Variants in PREP observed in about 807,000 individuals in gnomAD.
The protein encoded by PREP is prolyl endopeptidase.
Under a neutral mutation model 87.6 loss-of-function variants are expected in PREP, and 29 were observed. The ratio of observed to expected loss-of-function variants is 0.33; its 90% CI spans 0.25 to 0.45. PREP has a LOEUF of 0.45. PREP is among the 20% of genes least tolerant of loss of function. The pLI, the probability that PREP is intolerant of heterozygous loss-of-function variation, is 1.00. For synonymous variants in PREP, 337 were observed against 328.6 expected (o/e 1.03, Z -0.28); for missense variants, 695 against 886.5 (o/e 0.78, Z 2.74).
chr6:105,393,464 T>C (rs945386926), intron 2 of PREP, among the ~76,000 whole-genome samples: 2 of 152,302 alleles, frequency 1.3e-5, no homozygotes, highest in Middle Eastern at 3.4e-3. Flanking sequence ...ATTGCTATTT[T>C]ATAGCAAATG....
At chr6:105,315,941 G>A (rs1262900811) in intron 10 of PREP, among the ~76,000 whole-genome samples, 1 of 152,238 alleles carries the variant, frequency 6.6e-6, no homozygotes, top group African/African-American at 2.4e-5. Context: ...CTTGGCTTAA[G>A]GGAAGGTTGC....
chr6:105,374,127 G>T (rs575275613), intron 4 of PREP, among the ~76,000 whole-genome samples: 1 of 152,250 alleles, frequency 6.6e-6, no homozygotes, highest in African/African-American at 2.4e-5. Context: ...ACAAGCCTAG[G>T]TAAATAAAGC....
Position 105,378,570 on chromosome 6 carries a change from A to C in PREP, c.121-1051T>G, listed in dbSNP as rs988725355. Reference sequence around the variant, plus strand: ...GGCCATCAGGAAATACTGGTAGTGAAGGCAGGAAAAGGGGCTTTTACAAAA... The same window carrying C: ...GGCCATCAGGAAATACTGGTAGTGACGGCAGGAAAAGGGGCTTTTACAAAA... On this transcript the variant is annotated intron_variant, in intron 2 of 14. Coordinates refer to ENST00000652536, the MANE Select transcript of PREP (RefSeq NM_002726.5). Among the ~76,000 whole-genome samples, 3 of 152,348 alleles carry C rather than the reference A, an allele frequency of 2.0e-5. No individual in the cohort carries two copies. The East Asian group carries it at 5.8e-4, about 29-fold the overall frequency.
At chr6:105,321,152 A>G (rs531304437) in intron 10 of PREP, among the ~76,000 whole-genome samples, 8 of 152,370 alleles carry the variant, frequency 5.3e-5, no homozygotes, top group African/African-American at 1.9e-4. Flanking sequence ...ATCAGTAGAT[A>G]CAAATCTTCT....
chr6:105,350,059 AAAC>A (rs1771906934), intron 7 of PREP, among the ~76,000 whole-genome samples: 1 of 152,172 alleles, frequency 6.6e-6, no homozygotes, highest in Admixed American at 6.5e-5. Context: ...GCTTTGCAGA[AAAC>A]AAGTTAATTT....
At chr6:105,390,116 C>T (rs1050539240) in intron 2 of PREP, among the ~76,000 whole-genome samples, 8 of 152,074 alleles carry the variant, frequency 5.3e-5, no homozygotes, top group Non-Finnish European at 7.4e-5. Context: ...CTGAGACAGG[C>T]GGAGAAGGTG....
intron 10 of PREP, among the ~76,000 whole-genome samples, chr6:105,316,603 T>C (rs932710653): frequency 6.6e-5 from 10 of 152,056 alleles, no homozygotes; most frequent in Non-Finnish European, 1.0e-4. Context: ...CAAAGTACAA[T>C]ACAATAAAGC....
intron 7 of PREP, among the ~76,000 whole-genome samples, chr6:105,344,732 G>T (rs565851871): frequency 1.1e-4 from 17 of 152,270 alleles, no homozygotes; most frequent in African/African-American, 4.1e-4. Context: ...TAATGTAAAT[G>T]ACGAGTTAAT....
At chr6:105,386,054 A>C (rs977284265) in intron 2 of PREP, among the ~76,000 whole-genome samples, 1 of 152,192 alleles carries the variant, frequency 6.6e-6, no homozygotes, top group African/African-American at 2.4e-5. Flanking sequence ...AGGGAGTCAG[A>C]GATTGCAGTG....
intron 6 of PREP, among the ~76,000 whole-genome samples, chr6:105,363,952 T>C (rs1023750844): frequency 6.6e-6 from 1 of 151,932 alleles, no homozygotes; most frequent in Non-Finnish European, 1.5e-5. Flanking sequence ...AAGGATGGCA[T>C]AAGGAGAGCT....
rs759681306 is a variant in PREP at position 105,285,631 on chromosome 6, C to G, written c.1455-51G>C. The G allele has an allele frequency of 4.8e-6, 7 of 1,444,698 alleles. No homozygotes were observed. In the South Asian group the frequency reaches 8.0e-5, roughly 17 times the overall value. The allele number at this position is 1,444,698 out of a possible 1,614,324, so 89.5% of individuals were successfully genotyped here. On this transcript the variant is annotated intron_variant, in intron 11 of 14. Coordinates refer to ENST00000652536, the MANE Select transcript of PREP (RefSeq NM_002726.5). ...CTTCCATTAACTGCCTAGTGAAGAC[C>G]ATGCCCTCTCTCTCCATCTCAAAAA...
intron 1 of PREP, among the ~76,000 whole-genome samples, chr6:105,398,666 C>T (rs1425181077): frequency 6.6e-6 from 1 of 152,148 alleles, no homozygotes; most frequent in Non-Finnish European, 1.5e-5. Flanking sequence ...CTTTCTGGAG[C>T]TTCTAAGGCC....
At chr6:105,286,056 G>A (rs764335524) in intron 11 of PREP, among the ~76,000 whole-genome samples, 1 of 152,188 alleles carries the variant, frequency 6.6e-6, no homozygotes, top group Admixed American at 6.5e-5. Flanking sequence ...GATTACAGGC[G>A]TGAACCACTG....
intron 10 of PREP, among the ~76,000 whole-genome samples, chr6:105,299,509 G>T (rs1208095343): frequency 6.6e-6 from 1 of 152,184 alleles, no homozygotes; most frequent in Non-Finnish European, 1.5e-5. Context: ...TGAGGCACGA[G>T]AATCTCTTGA....
rs995968387 is a variant in PREP, at chr6:105,278,126, A to G, written c.*18T>C. 1 of 1,594,798 alleles carries G rather than the reference A, an allele frequency of 6.3e-7. No individual in the cohort carries two copies. The highest frequency in any genetic ancestry group is 8.6e-7 in the Non-Finnish European group (1 of 1,166,840). On this transcript the variant is annotated 3_prime_UTR_variant, in exon 15 of 15. Transcript: ENST00000652536. The surrounding 1 kb of genome is among the most constrained non-coding windows in gnomAD (Gnocchi z 4.2). ...CTTGAGGTTTTCTGTCGCTGTCAGG[A>G]GGAAGCACGAAAACTGTTTATGGAA...
intron 7 of PREP, among the ~76,000 whole-genome samples, chr6:105,342,295 C>T (rs2114670613): frequency 6.6e-6 from 1 of 152,290 alleles, no homozygotes; most frequent in Admixed American, 6.5e-5. Flanking sequence ...ACGATTATCC[C>T]AATAGATGCA....
chr6:105,332,639 A>G (rs1460446338), intron 8 of PREP, among the ~76,000 whole-genome samples: 1 of 152,202 alleles, frequency 6.6e-6, no homozygotes, highest in Non-Finnish European at 1.5e-5. Context: ...TGTGTAAAAA[A>G]CTGACCCCAA....
rs1755452873 is a variant in PREP, at chr6:105,275,867, T to A, written c.*2277A>T. On this transcript the variant is annotated 3_prime_UTR_variant, in exon 15 of 15. Coordinates refer to ENST00000652536, the MANE Select transcript of PREP (RefSeq NM_002726.5). ...AAATATCCCATGTTCTCCACTCATG[T>A]GGGAGCTAAAAAAGCAGGCAGAGAA... Among the ~76,000 whole-genome samples, 1 of 152,246 alleles carries A rather than the reference T, an allele frequency of 6.6e-6. No individual in the cohort carries two copies. Among genetic ancestry groups the A allele is most frequent in the Non-Finnish European group, 1.5e-5 (1 of 68,044 alleles).
chr6:105,319,956 T>G (rs1770962169), intron 10 of PREP, among the ~76,000 whole-genome samples: 1 of 152,220 alleles, frequency 6.6e-6, no homozygotes, highest in South Asian at 2.1e-4. Context: ...GCGTTGCATA[T>G]CATACTATGA....
Sources: allele counts gnomAD v4.1 joint callset (sites outside exome capture counted in the v4.1 genomes callset), GRCh38; gene constraint gnomAD v4.1.1; non-coding constraint Gnocchi (gnomAD v3.1); transcripts MANE v1.5; gene names NCBI Gene and HGNC (gene_info 2026-07-23, HGNC 2026-07-21).